The following SPECC1 variants were observed in gnomAD, a reference collection of about 807,000 sequenced individuals.
SPECC1 encodes sperm antigen with calponin homology and coiled-coil domains 1, also known as cytospin-B.
In SPECC1, 62 loss-of-function variants were observed where a neutral mutation model predicts 104.1. The observed-to-expected ratio is 0.60, with a 90% confidence interval of 0.49 to 0.74. The LOEUF (loss-of-function observed/expected upper bound fraction) is 0.74. Ranked by LOEUF, SPECC1 falls within the 30% of genes least tolerant of loss-of-function variation. The pLI, the probability that SPECC1 is intolerant of heterozygous loss-of-function variation, is 0.00. For synonymous variants in SPECC1, 513 were observed against 501.6 expected, an observed-to-expected ratio of 1.02 and a Z score of -0.30; for missense variants, 1,306 against 1,310.5, an observed-to-expected ratio of 1.00 and a Z score of 0.05.
At chr17:20,165,295 A>G (rs1184600828) in intron 3 of SPECC1, among the ~76,000 whole-genome samples, 1 of 152,182 alleles carries the variant, frequency 6.6e-6, no homozygotes, top group African/African-American at 2.4e-5. Flanking sequence ...TTTATAAGCA[A>G]GAACATGCAG....
intron 3 of SPECC1, among the ~76,000 whole-genome samples, chr17:20,188,928 C>G (rs1374120272): frequency 4.6e-5 from 7 of 152,120 alleles, no homozygotes; most frequent in African/African-American, 1.4e-4. Flanking sequence ...TCTAATTTCT[C>G]CAGTTACAAA....
chr17:20,119,267 G>A (rs1165364711), intron 3 of SPECC1, among the ~76,000 whole-genome samples: 2 of 152,062 alleles, frequency 1.3e-5, no homozygotes, highest in East Asian at 3.8e-4. Context: ...TTTTGAGACG[G>A]AGTTTCGCTC....
chr17:20,098,548 G>C (rs1275964579), intron 2 of SPECC1, among the ~76,000 whole-genome samples: 2 of 152,204 alleles, frequency 1.3e-5, no homozygotes, highest in Non-Finnish European at 2.9e-5. Flanking sequence ...GCCCAACCCT[G>C]TCCCCTGCCT....
chr17:20,224,605 G>T (rs1408530737), intron 4 of SPECC1, among the ~76,000 whole-genome samples: 4 of 152,016 alleles, frequency 2.6e-5, no homozygotes, highest in Admixed American at 1.3e-4. Flanking sequence ...AAGCCAAAGG[G>T]ATCTCTGCCA....
chr17:20,208,348 T>A (rs2036917747), intron 4 of SPECC1, among the ~76,000 whole-genome samples: 1 of 152,224 alleles, frequency 6.6e-6, no homozygotes, highest in Non-Finnish European at 1.5e-5. Context: ...CAGAGACTGA[T>A]TTGTAATTGC....
At chr17:20,095,467 C>T (rs755025090) in intron 1 of SPECC1, among the ~76,000 whole-genome samples, 3 of 152,208 alleles carry the variant, frequency 2.0e-5, no homozygotes, top group East Asian at 3.9e-4. Context: ...CCTGGACACA[C>T]GCCACCAGCT....
chr17:20,024,113 T>A (rs540312096), intron 1 of SPECC1, among the ~76,000 whole-genome samples: 29 of 152,288 alleles, frequency 1.9e-4, no homozygotes, highest in Admixed American at 1.9e-3. Context: ...AAGGGGAAAG[T>A]TTAGTAAGTT....
chr17:20,163,421 T>G (rs1396397222), intron 3 of SPECC1, among the ~76,000 whole-genome samples: 3 of 152,184 alleles, frequency 2.0e-5, no homozygotes, highest in Non-Finnish European at 4.4e-5. Flanking sequence ...TTGTGTTTAT[T>G]AATTTAGTAT....
chr17:20,176,663 A>G (rs2034494237), intron 3 of SPECC1, among the ~76,000 whole-genome samples: 2 of 152,138 alleles, frequency 1.3e-5, no homozygotes, highest in African/African-American at 4.8e-5. Flanking sequence ...AGAGGCCACA[A>G]GCATTCCTCA....
intron 1 of SPECC1, among the ~76,000 whole-genome samples, chr17:20,027,446 A>G (rs181487164): frequency 1.3e-5 from 2 of 151,886 alleles, no homozygotes; most frequent in African/African-American, 4.8e-5. Flanking sequence ...CTATTTTTCC[A>G]TTTTTGTTTT....
chr17:20,270,433 CAAAAAAAAAAAAAAAAAAAA>C (rs71157863), intron 12 of SPECC1, among the ~76,000 whole-genome samples: 8 of 43,574 alleles, frequency 1.8e-4, no homozygotes, highest in East Asian at 7.6e-4. Flanking sequence ...CTGTCTTTAC[CAAAAAAAAAAAAAAAAAAAA>C]AAAAAAAAAA....
chr17:20,037,768 A>G (rs1597598230), intron 1 of SPECC1, among the ~76,000 whole-genome samples: 1 of 152,220 alleles, frequency 6.6e-6, no homozygotes, highest in Admixed American at 6.5e-5. Context: ...TCTTCAAACA[A>G]AGTTCTATTT....
chr17:20,092,503 C>T (rs1296261276), intron 1 of SPECC1, among the ~76,000 whole-genome samples: 1 of 152,096 alleles, frequency 6.6e-6, no homozygotes, highest in East Asian at 1.9e-4. Context: ...GTGTTTCCCT[C>T]GCTTCTTTCT....
intron 11 of SPECC1, 80 bp from the exon 12 acceptor site, chr17:20,260,112 G>A: frequency 1.1e-5 from 13 of 1,138,808 alleles, no homozygotes; most frequent in Non-Finnish European, 1.6e-5. Context: ...CTTTTCTAAA[G>A]TAGGTATTTA....
intron 4 of SPECC1, among the ~76,000 whole-genome samples, chr17:20,217,084 G>A (rs575929921): frequency 6.6e-6 from 1 of 152,252 alleles, no homozygotes; most frequent in African/African-American, 2.4e-5. Flanking sequence ...TGCAGTCGTG[G>A]AAGGGTAGGC....
At chr17:20,262,096 G>T (rs1000328058) in intron 12 of SPECC1, among the ~76,000 whole-genome samples, 1 of 152,110 alleles carries the variant, frequency 6.6e-6, no homozygotes, top group Non-Finnish European at 1.5e-5. Context: ...TTTTTACACG[G>T]TATTGAGTCA....
At chr17:20,121,715 T>G (rs2049041427) in intron 3 of SPECC1, among the ~76,000 whole-genome samples, 1 of 152,196 alleles carries the variant, frequency 6.6e-6, no homozygotes, top group Non-Finnish European at 1.5e-5. Flanking sequence ...TTTTAGAGAA[T>G]GAGGAGGTTC....
chr17:20,316,019 A>G lies in SPECC1; in HGVS notation c.*1954A>G. The G allele has an allele frequency of 4.3e-6, 1 of 232,730 alleles. No homozygotes were observed. Among genetic ancestry groups the G allele is most frequent in the Non-Finnish European group, 8.5e-6 (1 of 117,690 alleles). 14.4% of individuals were successfully genotyped at this position (232,730 alleles called of 1,614,324 possible). On this transcript the variant is annotated 3_prime_UTR_variant, in exon 15 of 15. Coordinates refer to ENST00000395527, the MANE Select transcript of SPECC1 (RefSeq NM_001243439.2). ...TGGACACCTTCCCCTGGCAGCCACA[A>G]GGCAGGCAGCCTGCGGGAGCTCCTG...
chr17:20,315,390 C>A lies in SPECC1; in HGVS notation c.*1325C>A, dbSNP rs1281824932. 4.3e-6 allele frequency: 1 copy of A among 232,890 alleles called. No homozygotes were observed. Among genetic ancestry groups the A allele is most frequent in the African/African-American group, 2.2e-5 (1 of 45,338 alleles). The allele number at this position is 232,890 out of a possible 1,614,324, so 14.4% of individuals were successfully genotyped here. A position where few individuals can be genotyped will look rare whatever the true frequency, so the allele number is the denominator to read the frequency against. ...CCCCAGTCCCTCAGAAGTGCTCAGT[C>A]CGGCCCGAGTGCCCATCTGGTGGCT... On this transcript the variant is annotated 3_prime_UTR_variant, in exon 15 of 15. Coordinates refer to ENST00000395527, the MANE Select transcript of SPECC1 (RefSeq NM_001243439.2).
Sources: allele counts gnomAD v4.1 joint callset (sites outside exome capture counted in the v4.1 genomes callset), GRCh38; gene constraint gnomAD v4.1.1; transcripts MANE v1.5; gene names NCBI Gene and HGNC (gene_info 2026-07-23, HGNC 2026-07-21).